SIAE: variants seen among roughly 807,000 people sequenced by gnomAD.
SIAE encodes sialate O-acetylesterase.
A neutral mutation model predicts 52.6 loss-of-function variants in SIAE; 39 were observed. That is an observed-to-expected ratio of 0.74 (90% CI 0.57 to 0.97). The LOEUF is 0.97. Ranked by LOEUF, SIAE falls within the 50% of genes least tolerant of loss-of-function variation. The pLI is 0.00. For missense variants in SIAE, 592 were observed against 662.1 expected, an observed-to-expected ratio of 0.89 and a Z score of 1.16; for synonymous variants, 233 against 241.4, an observed-to-expected ratio of 0.97 and a Z score of 0.32.
At position 124,635,299 on chromosome 11, in the gene SIAE, AG is replaced by A. The variant is rs1187902964; in HGVS notation, c.*1651del. ...ATGGGCAATAGGGGTTAACTGAACG[AG>A]TTGAATGCTAGGAAGTCCTCAGGGG... On this transcript the variant is annotated 3_prime_UTR_variant, in exon 10 of 10. Coordinates refer to ENST00000263593, the MANE Select transcript of SIAE (RefSeq NM_170601.5). The A allele has an allele frequency of 4.6e-5, 7 of 152,188 alleles. No individual in the cohort carries two copies. The highest frequency in any genetic ancestry group is 1.7e-4 in the African/African-American group (7 of 41,448). 9.4% of individuals were successfully genotyped at this position (152,188 alleles called of 1,614,324 possible).
At position 124,639,733 on chromosome 11, in the gene SIAE, A is replaced by G. The variant is rs752462371; in HGVS notation, c.1101T>C (p.Cys367=). ...NTFMAVAMDL[C]DRDSPFGSIH... ...ACCTGCCAAAAGGCGAGTCTCTATC[A>G]CAGAGATCCATAGCTACAGCCATGA... Residue 367 remains cysteine, a synonymous_variant, in exon 8 of 10, where the codon TGT becomes TGC. Transcript: ENST00000263593. 5.0e-6 allele frequency: 8 copies of G among 1,614,020 alleles called. No homozygotes were observed. The highest frequency in any genetic ancestry group is 6.8e-6 in the Non-Finnish European group (8 of 1,179,996).
At chr11:124,674,886 G>GAATTC (rs144092238), upstream of SIAE, 10,059 of 155,938 alleles carry the variant, frequency 0.065, 989 homozygotes, top group African/African-American at 0.22. Flanking sequence ...AATTGACAAT[G>GAATTC]AATTTAACTT....
chr11:124,672,901 G>A (rs906722338), intron 1 of SIAE, among the ~76,000 whole-genome samples: 2 of 152,180 alleles, frequency 1.3e-5, no homozygotes, highest in African/African-American at 2.4e-5. Context: ...AAACAGAAAG[G>A]AAGAAATCCA....
At chr11:124,660,372 C>A in intron 3 of SIAE, 7 of 458,620 alleles carry the variant, frequency 1.5e-5, no homozygotes, top group South Asian at 6.7e-5. Flanking sequence ...CTAGAGAAAA[C>A]AATACTCCTT....
intron 2 of SIAE, among the ~76,000 whole-genome samples, chr11:124,664,237 C>CCT (rs1565417380): frequency 2.9e-5 from 4 of 138,922 alleles, no homozygotes; most frequent in Non-Finnish European, 1.6e-5. Context: ...TAGCCTATTT[C>CCT]TTTTTTTTTT....
chr11:124,673,398 C>A (rs1314478931), intron 1 of SIAE, among the ~76,000 whole-genome samples: 1 of 152,244 alleles, frequency 6.6e-6, no homozygotes, highest in East Asian at 1.9e-4. Context: ...GCCGCACTTT[C>A]TCCCTGCTCA....
intron 3 of SIAE, chr11:124,658,937 T>C (rs912157617): frequency 1.3e-5 from 2 of 152,218 alleles, no homozygotes; most frequent in African/African-American, 4.8e-5. Context: ...ACTAGAAACT[T>C]GGCTTTTGGT....
upstream of SIAE, chr11:124,674,359 GA>G (rs1419669515): frequency 1.3e-5 from 2 of 150,512 alleles, no homozygotes; most frequent in East Asian, 2.0e-4. Context: ...CCCTCTCAAA[GA>G]AAAAAAAAGC....
In SIAE at chr11:124,648,078, C is replaced by CTA; in HGVS notation, c.818_819dup (p.Val274Ter). On this transcript the variant is annotated frameshift_variant, in exon 6 of 10. Coordinates refer to ENST00000263593, the MANE Select transcript of SIAE (RefSeq NM_170601.5). LOFTEE classifies it high-confidence loss of function. ...ACTGAACACTTACCCTGGTACCATA[C>CTA]TACCCCTTTCAGAGTCATATTGCAC... 6.2e-7 allele frequency: 1 copy of CTA among 1,612,894 alleles called. No individual in the cohort carries two copies. The highest frequency in any genetic ancestry group is 8.5e-7 in the Non-Finnish European group (1 of 1,178,896).
intron 7 of SIAE, among the ~76,000 whole-genome samples, chr11:124,646,915 A>AAAC (rs1942943890): frequency 6.6e-6 from 1 of 152,268 alleles, no homozygotes; most frequent in African/African-American, 2.4e-5. Flanking sequence ...TTGAAGATTA[A>AAAC]TATTTATTGA....
intron 7 of SIAE, among the ~76,000 whole-genome samples, chr11:124,643,265 T>C (rs1041353511): frequency 6.6e-6 from 1 of 152,098 alleles, no homozygotes; most frequent in Non-Finnish European, 1.5e-5. Context: ...TGGAGTGGCA[T>C]ATGCAAGGCA....
intron 4 of SIAE, chr11:124,654,369 G>T (rs1023090062): frequency 1.5e-5 from 15 of 985,250 alleles, no homozygotes; most frequent in African/African-American, 1.7e-5. Flanking sequence ...TGGAGTGAAG[G>T]CATCGGCGAG....
intron 2 of SIAE, among the ~76,000 whole-genome samples, chr11:124,662,988 T>C (rs1591394326): frequency 6.6e-6 from 1 of 151,668 alleles, no homozygotes; most frequent in East Asian, 2.0e-4. Context: ...CTACTAAAAA[T>C]ACAAAAATTA....
At chr11:124,663,679 G>A (rs1203385174) in intron 2 of SIAE, among the ~76,000 whole-genome samples, 3 of 152,190 alleles carry the variant, frequency 2.0e-5, no homozygotes, top group African/African-American at 7.2e-5. Context: ...GCAAGGGTGG[G>A]ATTAAAAAGG....
intron 7 of SIAE, among the ~76,000 whole-genome samples, chr11:124,646,624 C>T (rs928802187): frequency 6.6e-6 from 1 of 152,076 alleles, no homozygotes; most frequent in Non-Finnish European, 1.5e-5. Flanking sequence ...TTGTTAAGAG[C>T]ATAAATTTAT....
intron 1 of SIAE, chr11:124,669,761 A>C: frequency 1.9e-6 from 1 of 520,530 alleles, no homozygotes; most frequent in Non-Finnish European, 3.5e-6. Context: ...CCCAGAGCCC[A>C]AGGCAACCAA....
chr11:124,654,871 C>G (rs561626597), intron 3 of SIAE, 78 bp from the exon 4 acceptor site: 1 of 1,522,630 alleles, frequency 6.6e-7, no homozygotes, highest in Non-Finnish European at 9.1e-7. Flanking sequence ...CATCAGTCCT[C>G]TGAGCTCCTG....
chr11:124,649,897 A>G, intron 4 of SIAE, 101 bp from the exon 5 acceptor site: 3 of 1,098,818 alleles, frequency 2.7e-6, no homozygotes, highest in Non-Finnish European at 4.1e-6. Flanking sequence ...GGCAGAGGTC[A>G]TTCTTCTGTT....
At chr11:124,638,476 C>T in intron 9 of SIAE, 66 bp downstream of exon 9, 1 of 1,543,160 alleles carries the variant, frequency 6.5e-7, no homozygotes, top group Non-Finnish European at 9.0e-7. Context: ...GAGATGGCCT[C>T]AAGTGCGGAG....
Sources: allele counts gnomAD v4.1 joint callset (sites outside exome capture counted in the v4.1 genomes callset), GRCh38; gene constraint gnomAD v4.1.1; transcripts MANE v1.5; gene names NCBI Gene and HGNC (gene_info 2026-07-23, HGNC 2026-07-21).